The following BACH2 variants were observed in gnomAD, a reference collection of about 807,000 sequenced individuals.
The protein encoded by BACH2 is transcription regulator protein BACH2.
BACH2 carries 5 observed loss-of-function variants against 61.8 expected under a neutral mutation model. The ratio of observed to expected loss-of-function variants is 0.08; its 90% CI spans 0.04 to 0.17. The LOEUF (loss-of-function observed/expected upper bound fraction) is 0.17, where lower values mean the gene tolerates loss of function less well. Ranked by LOEUF, BACH2 falls within the 10% of genes least tolerant of loss-of-function variation. The pLI, the probability that BACH2 is intolerant of heterozygous loss-of-function variation, is 1.00. For synonymous variants in BACH2, 446 were observed against 440.1 expected (o/e 1.01, Z -0.17); for missense variants, 824 against 1,091.1 (o/e 0.76, Z 3.45).
chr6:90,035,375 G>A (rs1779212842), intron 5 of BACH2, among the ~76,000 whole-genome samples: 1 of 152,106 alleles, frequency 6.6e-6, no homozygotes, highest in Admixed American at 6.5e-5. Context: ...TTCACCTGGG[G>A]ATGAGCCCAA....
chr6:89,989,987 T>C (rs530011921), intron 6 of BACH2, among the ~76,000 whole-genome samples: 2 of 152,278 alleles, frequency 1.3e-5, no homozygotes, highest in African/African-American at 4.8e-5. Context: ...GTCTGTGAAA[T>C]TTAGTCACAT....
chr6:90,284,798 T>A (rs1202564408), intron 1 of BACH2, among the ~76,000 whole-genome samples: 1 of 152,078 alleles, frequency 6.6e-6, no homozygotes, highest in Admixed American at 6.5e-5. Context: ...TAAAACCACA[T>A]GTTTTGAAGG....
chr6:90,247,534 T>C (rs1313974071), intron 3 of BACH2, among the ~76,000 whole-genome samples: 1 of 152,078 alleles, frequency 6.6e-6, no homozygotes, highest in Non-Finnish European at 1.5e-5. Flanking sequence ...AAGTCACAAG[T>C]ATCATTTTCC....
At chr6:90,167,540 T>C (rs148906527) in intron 4 of BACH2, among the ~76,000 whole-genome samples, 3 of 152,236 alleles carry the variant, frequency 2.0e-5, no homozygotes, top group African/African-American at 7.2e-5. Context: ...ATATTTTTAG[T>C]AGAGACAGGG....
At chr6:90,281,355 T>C (rs1771852782) in intron 1 of BACH2, among the ~76,000 whole-genome samples, 1 of 152,250 alleles carries the variant, frequency 6.6e-6, no homozygotes. Flanking sequence ...TCCTTTAAAA[T>C]GTTTACTAAT....
At chr6:89,991,640 T>A (rs545753939) in intron 6 of BACH2, among the ~76,000 whole-genome samples, 1 of 152,184 alleles carries the variant, frequency 6.6e-6, no homozygotes, top group Non-Finnish European at 1.5e-5. Context: ...AAAAGTAATG[T>A]TGATACAATA....
At chr6:90,268,820 A>T (rs929033664) in intron 2 of BACH2, among the ~76,000 whole-genome samples, 1 of 152,198 alleles carries the variant, frequency 6.6e-6, no homozygotes, top group African/African-American at 2.4e-5. Flanking sequence ...ATTAGATTCT[A>T]TTGAGAATAC....
At chr6:90,267,124 AC>A (rs1771361772) in intron 2 of BACH2, among the ~76,000 whole-genome samples, 1 of 151,840 alleles carries the variant, frequency 6.6e-6, no homozygotes. Flanking sequence ...CCACCAAAAA[AC>A]CCTCAACACT....
intron 6 of BACH2, among the ~76,000 whole-genome samples, chr6:89,998,201 C>T (rs1776955446): frequency 6.6e-6 from 1 of 151,986 alleles, no homozygotes; most frequent in African/African-American, 2.4e-5. Context: ...CAACTTTTGG[C>T]CTTGCTTGGG....
intron 6 of BACH2, among the ~76,000 whole-genome samples, chr6:89,972,770 G>A (rs1353662577): frequency 6.6e-6 from 1 of 151,928 alleles, no homozygotes; most frequent in Admixed American, 6.6e-5. Flanking sequence ...AGAGGTGAAA[G>A]TTCTCACAGG....
chr6:90,068,097 T>C (rs1330580448), intron 5 of BACH2, among the ~76,000 whole-genome samples: 3 of 152,212 alleles, frequency 2.0e-5, no homozygotes, highest in Non-Finnish European at 2.9e-5. Flanking sequence ...TCTAATTATG[T>C]TGTAGAATTG....
intron 5 of BACH2, chr6:90,062,912 C>T: frequency 3.0e-6 from 3 of 985,358 alleles, no homozygotes; most frequent in Non-Finnish European, 3.6e-6. Context: ...GAACACATTC[C>T]AGTTCCTGCT....
Position 90,008,999 on chromosome 6 carries a change from A to G in BACH2, c.-12-143T>C, listed in dbSNP as rs1037646431. 2.0e-6 allele frequency: 2 copies of G among 1,003,772 alleles called. No homozygotes were observed. Among genetic ancestry groups the G allele is most frequent in the African/African-American group, 3.3e-5 (2 of 61,210 alleles). The allele number at this position is 1,003,772 out of a possible 1,614,324, so 62.2% of individuals were successfully genotyped here. A position where few individuals can be genotyped will look rare whatever the true frequency, so the allele number is the denominator to read the frequency against. On this transcript the variant is annotated intron_variant, in intron 5 of 8. Transcript: ENST00000257749. The surrounding 1 kb of genome is among the most constrained non-coding windows in gnomAD (Gnocchi z 4.1). ...CATGGCAGGAAGGAGGGGAATTACC[A>G]ATCAGCATATTTGTGCTTACTCTGT...
chr6:90,215,638 C>A (rs1769508506), intron 3 of BACH2, among the ~76,000 whole-genome samples: 1 of 152,152 alleles, frequency 6.6e-6, no homozygotes, highest in African/African-American at 2.4e-5. Context: ...GTATACCATT[C>A]TGCCAGAATT....
chr6:90,060,625 G>A lies in BACH2; in HGVS notation c.-13+28336C>T, dbSNP rs148982731. On this transcript the variant is annotated intron_variant, in intron 5 of 8. Transcript: ENST00000257749. ...ACTTCAAACATCTAAAGCCCTTGGT[G>A]GGGAAGGAGTAATTAATATATTAAC... 7.2e-3 allele frequency among the ~76,000 whole-genome samples: 1,096 copies of A among 151,904 alleles called. 12 individuals are homozygous for A. Among genetic ancestry groups the A allele is most frequent in the African/African-American group, 0.025 (1,040 of 41,414 alleles).
At chr6:90,140,695 A>C (rs867102055) in intron 4 of BACH2, among the ~76,000 whole-genome samples, 6 of 152,346 alleles carry the variant, frequency 3.9e-5, no homozygotes, top group Middle Eastern at 6.8e-3. Flanking sequence ...TGGAGGAAGA[A>C]GGGAGATAAA....
At chr6:90,014,525 G>A (rs538273522) in intron 5 of BACH2, among the ~76,000 whole-genome samples, 2 of 130,756 alleles carry the variant, frequency 1.5e-5, no homozygotes, top group Admixed American at 1.7e-4. Flanking sequence ...CCAGGTTGGA[G>A]TGCAGTGGTG....
At chr6:90,163,907 G>C (rs1022140029) in intron 4 of BACH2, among the ~76,000 whole-genome samples, 5 of 152,138 alleles carry the variant, frequency 3.3e-5, no homozygotes, top group African/African-American at 1.2e-4. Context: ...AAATGTGCTA[G>C]GTAATTTGGT....
intron 1 of BACH2, among the ~76,000 whole-genome samples, chr6:90,278,646 T>C (rs1026988901): frequency 6.6e-6 from 1 of 152,230 alleles, no homozygotes; most frequent in Non-Finnish European, 1.5e-5. Context: ...AAATGCTTGC[T>C]ACCCAGTGCT....
Sources: allele counts gnomAD v4.1 joint callset (sites outside exome capture counted in the v4.1 genomes callset), GRCh38; gene constraint gnomAD v4.1.1; non-coding constraint Gnocchi (gnomAD v3.1); transcripts MANE v1.5; gene names NCBI Gene and HGNC (gene_info 2026-07-23, HGNC 2026-07-21).